ZKSCAN7: variants seen among roughly 807,000 people sequenced by gnomAD.
ZKSCAN7 encodes the protein zinc finger protein with KRAB and SCAN domains 7.
Under a neutral mutation model 65.3 loss-of-function variants are expected in ZKSCAN7, and 38 were observed. The ratio of observed to expected loss-of-function variants is 0.58; its 90% CI spans 0.45 to 0.76. ZKSCAN7 has a LOEUF of 0.76. Ranked by LOEUF, ZKSCAN7 falls within the 30% of genes least tolerant of loss-of-function variation. The pLI is 0.00. For synonymous variants in ZKSCAN7, 321 were observed against 321.0 expected, an observed-to-expected ratio of 1.00 and a Z score of 0.00; for missense variants, 815 against 913.3, an observed-to-expected ratio of 0.89 and a Z score of 1.39.
chr3:44,571,213 TG>T lies in ZKSCAN7; in HGVS notation c.2104del (p.Asp702ThrfsTer66). The T allele has an allele frequency of 6.2e-7, 1 of 1,614,196 alleles. No individual in the cohort carries two copies. Among genetic ancestry groups the T allele is most frequent in the South Asian group, 1.1e-5 (1 of 91,086 alleles). On this transcript the variant is annotated frameshift_variant, in exon 6 of 6. Coordinates refer to ENST00000426540, the MANE Select transcript of ZKSCAN7 (RefSeq NM_001288590.2). LOFTEE classifies it high-confidence loss of function. ...GCAATGATTGTGGGAAAGCTTTTAG[TG>T]ACAGCTCACAGCTTATTGTACACCA... ...KCNDCGKAFS[D>X]SSQLIVHQRV...
chr3:44,562,582 C>G (rs1342203023), intron 2 of ZKSCAN7, among the ~76,000 whole-genome samples: 1 of 152,334 alleles, frequency 6.6e-6, no homozygotes, highest in East Asian at 1.9e-4. Flanking sequence ...GCTCTGCTTC[C>G]CTTTTAAATA....
chr3:44,573,633 T>C (rs1192652014), downstream of ZKSCAN7, among the ~76,000 whole-genome samples: 1 of 152,180 alleles, frequency 6.6e-6, no homozygotes, highest in Non-Finnish European at 1.5e-5. Context: ...TTTCATTGTT[T>C]TAGTTTGGAA....
intron 3 of ZKSCAN7, among the ~76,000 whole-genome samples, chr3:44,565,889 T>C (rs908657174): frequency 1.3e-5 from 2 of 152,232 alleles, no homozygotes; most frequent in African/African-American, 4.8e-5. Flanking sequence ...ACCAGAGAGA[T>C]GTAGTACATC....
rs142084183 is a variant in ZKSCAN7 at position 44,570,190 on chromosome 3, T to G, written c.1080T>G (p.Val360=). The change falls in exon 6 of 6, where the codon GTT becomes GTG. Residue 360 remains valine (V), a synonymous_variant. Transcript: ENST00000426540. Reference sequence around the variant, plus strand: ...ACAGATATGACAAATATAAGGAAGTTGGGGAACATCCACCTCTGTCTTCCA... The same window carrying G: ...ACAGATATGACAAATATAAGGAAGTGGGGGAACATCCACCTCTGTCTTCCA... ...TKDRYDKYKE[V]GEHPPLSSSP... The G allele has an allele frequency of 7.4e-4, 1,198 of 1,614,190 alleles. No homozygotes were observed. The highest frequency in any genetic ancestry group is 9.5e-4 in the Non-Finnish European group (1,123 of 1,180,024).
intron 5 of ZKSCAN7, among the ~76,000 whole-genome samples, chr3:44,581,816 T>C (rs1194465015): frequency 6.6e-6 from 1 of 152,196 alleles, no homozygotes; most frequent in East Asian, 1.9e-4. Context: ...ACTCCAGCCC[T>C]GGTCATTCAG....
intron 2 of ZKSCAN7, among the ~76,000 whole-genome samples, chr3:44,558,781 C>CTTTT (rs1559422610): frequency 3.8e-4 from 28 of 74,290 alleles, no homozygotes; most frequent in African/African-American, 1.2e-3. Context: ...CTTTCTTCTT[C>CTTTT]ATTTTTTTTT....
Position 44,570,563 on chromosome 3 carries a change from C to T in ZKSCAN7, c.1453C>T (p.His485Tyr). Reference protein sequence around the residue: ...AFTQSSRLTDHQRTHTGEKPY... With the variant: ...AFTQSSRLTDYQRTHTGEKPY... ...TACTCAGAGTTCCCGACTCACTGAC[C>T]ACCAGAGAACCCATACTGGGGAGAA... The change falls in exon 6 of 6, where the codon CAC becomes TAC. Residue 485 changes from histidine to tyrosine, a missense_variant. Physicochemically the swap from His to Tyr is moderately conservative, Grantham distance 83. This residue lies in a region of ZKSCAN7 where 578 missense variants were observed against 629.5 expected (regional missense o/e 0.92). Coordinates refer to ENST00000426540, the MANE Select transcript of ZKSCAN7 (RefSeq NM_001288590.2). 1 of 1,612,532 alleles carries T rather than the reference C, an allele frequency of 6.2e-7. No homozygotes were observed. The highest frequency in any genetic ancestry group is 2.2e-5 in the East Asian group (1 of 44,858).
rs767713061 is a variant in ZKSCAN7 at position 44,570,803 on chromosome 3, T to C, written c.1693T>C (p.Cys565Arg). 6.2e-7 allele frequency: 1 copy of C among 1,614,062 alleles called. No individual in the cohort carries two copies. The highest frequency in any genetic ancestry group is 1.7e-5 in the Admixed American group (1 of 60,016). ...TGGCAAAGCCTTCAGTCGGAGTAAA[T>C]GTCTTATTCGACATCAGAGCCTCCA... ...ECGKAFSRSK[C>R]LIRHQSLHTG... Residue 565 changes from cysteine (C) to arginine (R), a missense_variant, in exon 6 of 6, where the codon TGT becomes CGT. Around this residue, in one of 3 missense-constraint regions of ZKSCAN7, gnomAD observed 578 missense variants for 629.5 expected, o/e 0.92. Coordinates refer to ENST00000426540, the MANE Select transcript of ZKSCAN7 (RefSeq NM_001288590.2).
intron 4 of ZKSCAN7, 141 bp from the exon 5 acceptor site, chr3:44,568,166 G>C: frequency 6.5e-7 from 1 of 1,532,222 alleles, no homozygotes; most frequent in Non-Finnish European, 8.8e-7. Flanking sequence ...CCCTGGACTT[G>C]TCCTTTTCGA....
intron 5 of ZKSCAN7, among the ~76,000 whole-genome samples, chr3:44,581,583 C>T (rs1700088320): frequency 6.6e-6 from 1 of 152,124 alleles, no homozygotes; most frequent in Non-Finnish European, 1.5e-5. Flanking sequence ...TGTTATACAA[C>T]ACATAGTTCC....
chr3:44,564,127 T>G (rs1699561732), intron 2 of ZKSCAN7, among the ~76,000 whole-genome samples: 2 of 152,206 alleles, frequency 1.3e-5, no homozygotes, highest in Admixed American at 6.5e-5. Context: ...TGTGCCTTAT[T>G]TAGATAATAT....
rs1440758957 is a variant in ZKSCAN7, at chr3:44,557,124, C to T, written c.77C>T (p.Thr26Ile). Reference protein sequence around the residue: ...TAFQKQEGRLTVKQEPANQTW... With the variant: ...TAFQKQEGRLIVKQEPANQTW... ...TTCCAGAAGCAAGAGGGGCGCCTGA[C>T]TGTGAAGCAGGAGCCAGCAAACCAG... Residue 26 changes from threonine (T) to isoleucine (I), a missense_variant, in exon 2 of 6, where the codon ACT (threonine) becomes ATT (isoleucine). Transcript: ENST00000426540. 8 of 1,614,252 alleles carry T rather than the reference C, an allele frequency of 5.0e-6. No homozygotes were observed. Among genetic ancestry groups the T allele is most frequent in the Non-Finnish European group, 5.9e-6 (7 of 1,180,044 alleles).
At chr3:44,579,685 A>G (rs891217456) in intron 5 of ZKSCAN7, among the ~76,000 whole-genome samples, 6 of 152,204 alleles carry the variant, frequency 3.9e-5, no homozygotes, top group African/African-American at 1.2e-4. Flanking sequence ...TCTGGAAGCC[A>G]TAGTTTCTCT....
In ZKSCAN7 at chr3:44,569,985, A is replaced by T. The variant is rs1316051219; in HGVS notation, c.875A>T (p.Glu292Val). The T allele has an allele frequency of 7.5e-6, 12 of 1,602,548 alleles. No homozygotes were observed. Among genetic ancestry groups the T allele is most frequent in the Non-Finnish European group, 1.0e-5 (12 of 1,175,662 alleles). Residue 292 changes from glutamate to valine, a missense_variant, in exon 6 of 6, where the codon GAG becomes GTG. Around this residue, in one of 3 missense-constraint regions of ZKSCAN7, gnomAD observed 578 missense variants for 629.5 expected, o/e 0.92. Coordinates refer to ENST00000426540, the MANE Select transcript of ZKSCAN7 (RefSeq NM_001288590.2). Reference sequence around the variant, plus strand: ...AAGCAGGAATTTTTTAAAGGATCAGAGTCATCTAACAGGACATCAGGGGGA... The same window carrying T: ...AAGCAGGAATTTTTTAAAGGATCAGTGTCATCTAACAGGACATCAGGGGGA... ...TPKQEFFKGS[E>V]SSNRTSGGLF...
chr3:44,568,566 C>G (rs1699702067), intron 5 of ZKSCAN7, 133 bp downstream of exon 5: 4 of 1,291,168 alleles, frequency 3.1e-6, no homozygotes, highest in Non-Finnish European at 3.2e-6. Flanking sequence ...ATATAGGGAC[C>G]CTTTCTGCAT....
chr3:44,564,906 T>C (rs1204331737), intron 2 of ZKSCAN7, among the ~76,000 whole-genome samples: 4 of 152,170 alleles, frequency 2.6e-5, no homozygotes, highest in Admixed American at 2.6e-4. Flanking sequence ...GATCAAGTGA[T>C]TCTCCTGCCT....
intron 5 of ZKSCAN7, chr3:44,580,232 G>T: frequency 6.2e-7 from 1 of 1,612,912 alleles, no homozygotes; most frequent in Non-Finnish European, 8.5e-7. Flanking sequence ...TCTCCAGAGA[G>T]AAGTAGCTGC....
intron 3 of ZKSCAN7, among the ~76,000 whole-genome samples, chr3:44,566,016 C>T (rs1424178712): frequency 6.6e-6 from 1 of 152,156 alleles, no homozygotes; most frequent in Non-Finnish European, 1.5e-5. Context: ...AGCATTTGAT[C>T]CTGTCACAAA....
chr3:44,566,028 G>A (rs187180418), intron 3 of ZKSCAN7, among the ~76,000 whole-genome samples: 65 of 152,336 alleles, frequency 4.3e-4, no homozygotes, highest in Non-Finnish European at 6.8e-4. Flanking sequence ...TGTCACAAAT[G>A]AGCAATGTGG....
Sources: gnomAD v4.1 joint callset for allele counts (sites outside exome capture counted in the v4.1 genomes callset) on GRCh38, gnomAD v4.1.1 for gene constraint, gnomAD v4.1.1 regional missense constraint, MANE v1.5 for transcripts, NCBI Gene and HGNC (gene_info 2026-07-23, HGNC 2026-07-21) for gene names.